ANK3: variants seen among roughly 807,000 people sequenced by gnomAD.
The protein encoded by ANK3 is ankyrin-3.
In ANK3, 57 loss-of-function variants were observed where a neutral mutation model predicts 370.9. The ratio of observed to expected loss-of-function variants is 0.15; its 90% CI spans 0.12 to 0.19. The LOEUF is 0.19. ANK3 is among the 10% of genes least tolerant of loss of function. ANK3 has a pLI of 1.00. For missense variants in ANK3, 4,439 were observed against 5,302.1 expected (o/e 0.84, Z 5.06); for synonymous variants, 1,929 against 1,946.3 (o/e 0.99, Z 0.23).
chr10:60,080,749 T>G (rs2085005504), intron 35 of ANK3, 131 bp from the exon 36 acceptor site: 12 of 832,250 alleles, frequency 1.4e-5, no homozygotes, highest in Non-Finnish European at 2.2e-5. Context: ...AATTTCCCAC[T>G]GGGATTTTGT....
At chr10:60,579,167 A>G (rs1414923615) in intron 2 of ANK3, among the ~76,000 whole-genome samples, 4 of 151,910 alleles carry the variant, frequency 2.6e-5, no homozygotes, top group African/African-American at 7.3e-5. Context: ...TCTACTAAAA[A>G]TACAAAAATT....
At chr10:60,288,489 C>T (rs899752233) in intron 1 of ANK3, among the ~76,000 whole-genome samples, 1 of 152,094 alleles carries the variant, frequency 6.6e-6, no homozygotes, top group Non-Finnish European at 1.5e-5. Flanking sequence ...CATCCTGTTA[C>T]AGCTGGGAAA....
intron 1 of ANK3, among the ~76,000 whole-genome samples, chr10:60,296,023 C>T (rs10821713): frequency 0.36 from 54,328 of 151,942 alleles, 10,338 homozygotes; most frequent in Middle Eastern, 0.46. Flanking sequence ...GATACAAAGG[C>T]CTAACACCTC....
In ANK3 at chr10:60,068,986, A is replaced by AGTG. The variant is rs768987496; in HGVS notation, c.11892_11894dup (p.Thr3965dup). On this transcript the variant is annotated inframe_insertion, in exon 37 of 44. Coordinates refer to ENST00000280772, the MANE Select transcript of ANK3 (RefSeq NM_020987.5). ...TGGTGGTAGTGGTGGTGGTGGTGGC[A>AGTG]GTGGTGGTGGTGGTAGTGACACAGG... 4 of 1,613,110 alleles carry AGTG rather than the reference A, an allele frequency of 2.5e-6. No homozygotes were observed. Among genetic ancestry groups the AGTG allele is most frequent in the Non-Finnish European group, 3.4e-6 (4 of 1,179,690 alleles).
intron 8 of ANK3, among the ~76,000 whole-genome samples, chr10:60,223,460 G>T (rs2132493347): frequency 6.6e-6 from 1 of 152,170 alleles, no homozygotes; most frequent in East Asian, 1.9e-4. Flanking sequence ...TTTAACACTA[G>T]TTTATCTCTG....
intron 1 of ANK3, among the ~76,000 whole-genome samples, chr10:60,723,054 C>T (rs2079887168): frequency 6.6e-6 from 1 of 152,134 alleles, no homozygotes; most frequent in Middle Eastern, 3.2e-3. Context: ...TTGAAAAGAG[C>T]AGCTCATTTT....
chr10:60,327,767 A>G (rs767961949), intron 1 of ANK3, among the ~76,000 whole-genome samples: 18 of 152,186 alleles, frequency 1.2e-4, no homozygotes, highest in Non-Finnish European at 2.1e-4. Flanking sequence ...TGATCATCAG[A>G]ATTAACAGGT....
At chr10:60,138,411 G>A (rs553725260) in intron 24 of ANK3, 75 of 326,696 alleles carry the variant, frequency 2.3e-4, no homozygotes, top group Non-Finnish European at 3.6e-4. Context: ...GTGACTTTTG[G>A]TAAATCACTG....
At chr10:60,149,479 C>A (rs1445850625) in intron 23 of ANK3, among the ~76,000 whole-genome samples, 1 of 152,188 alleles carries the variant, frequency 6.6e-6, no homozygotes, top group African/African-American at 2.4e-5. Flanking sequence ...ATAAAAAAAA[C>A]CACAACAGCC....
chr10:60,064,497 T>A (rs1159486664), intron 38 of ANK3, among the ~76,000 whole-genome samples: 2 of 152,110 alleles, frequency 1.3e-5, no homozygotes, highest in African/African-American at 2.4e-5. Context: ...GGTAATGACT[T>A]ACAATCAGAT....
chr10:60,091,741 T>TG (rs1197382561), intron 28 of ANK3, among the ~76,000 whole-genome samples: 1 of 151,756 alleles, frequency 6.6e-6, no homozygotes, highest in Non-Finnish European at 1.5e-5. Context: ...TTTTTGTTTT[T>TG]TTTTTTTTGA....
chr10:60,183,424 T>C (rs2096250311), intron 17 of ANK3, among the ~76,000 whole-genome samples: 1 of 152,206 alleles, frequency 6.6e-6, no homozygotes. Context: ...GTATAAATTA[T>C]ATAAATAACA....
intron 1 of ANK3, chr10:60,300,228 A>C: frequency 2.7e-6 from 2 of 734,592 alleles, no homozygotes; most frequent in Non-Finnish European, 4.1e-6. Context: ...CCTACCCAGC[A>C]ACAAACATTT....
In ANK3 at chr10:60,027,316, A is replaced by T. The variant is rs78990479; in HGVS notation, c.*2530T>A. 4.7e-5 allele frequency: 7 copies of T among 149,158 alleles called. No homozygotes were observed. The South Asian group carries it at 1.1e-3, about 23-fold the overall frequency. 9.2% of individuals were successfully genotyped at this position (149,158 alleles called of 1,614,324 possible). On this transcript the variant is annotated 3_prime_UTR_variant, in exon 44 of 44. Coordinates refer to ENST00000280772, the MANE Select transcript of ANK3 (RefSeq NM_020987.5). Reference sequence around the variant, plus strand: ...TTTTTTTTTTTTTTTTTAAAAAAAAAACCTCTCAAGGGTCTAACTTTACCC... The same window carrying T: ...TTTTTTTTTTTTTTTTTAAAAAAAATACCTCTCAAGGGTCTAACTTTACCC...
At chr10:60,066,790 A>G (rs1411217678) in intron 38 of ANK3, among the ~76,000 whole-genome samples, 1 of 152,224 alleles carries the variant, frequency 6.6e-6, no homozygotes, top group Admixed American at 6.5e-5. Context: ...ATTAAAAAAT[A>G]CACTTAACCT....
Position 60,071,384 on chromosome 10 carries a change from G to T in ANK3, c.9497C>A (p.Pro3166His), listed in dbSNP as rs1475291460. The change falls in exon 37 of 44, where the codon CCT (proline) becomes CAT (histidine). Residue 3166 changes from proline to histidine, a missense_variant. By Grantham distance (77) the Pro-to-His change is moderately conservative. Transcript: ENST00000280772. ...TGAACTGGGTGTTTCTGGGGTTAAA[G>T]GGCTTTTCCCAGAGCTGTCTAGAAA... ...VSFLDSSGKS[P>H]LTPETPSSEE... 1 of 1,614,060 alleles carries T rather than the reference G, an allele frequency of 6.2e-7. No homozygotes were observed. Among genetic ancestry groups the T allele is most frequent in the Non-Finnish European group, 8.5e-7 (1 of 1,179,986 alleles).
chr10:60,281,777 A>G (rs1320340580), intron 1 of ANK3, among the ~76,000 whole-genome samples: 1 of 152,232 alleles, frequency 6.6e-6, no homozygotes, highest in Non-Finnish European at 1.5e-5. Flanking sequence ...GGTGAATACC[A>G]GAGATTATAA....
intron 1 of ANK3, among the ~76,000 whole-genome samples, chr10:60,350,608 A>G (rs12764749): frequency 6.6e-6 from 1 of 152,222 alleles, no homozygotes. Context: ...ATTCTCTTAA[A>G]CCTCAGCTCT....
chr10:60,088,161 G>C lies in ANK3; in HGVS notation c.3526C>G (p.Arg1176Gly). Reference protein sequence around the residue: ...FPEGALTKRIRVGLQAQPVPD... With the variant: ...FPEGALTKRIGVGLQAQPVPD... ...GTGAACATTACCTGGAGGCCCACTCGAATTCTTTTAGTTAGGGCACCCTCT... is the reference window on the plus strand; with the variant it reads ...GTGAACATTACCTGGAGGCCCACTCCAATTCTTTTAGTTAGGGCACCCTCT... Residue 1176 changes from arginine (R) to glycine (G), a missense_variant, in exon 29 of 44, where the codon CGA becomes GGA. Physicochemically the swap from Arg to Gly is moderately radical, Grantham distance 125. Around this residue, in one of 13 missense-constraint regions of ANK3, gnomAD observed 702 missense variants for 941.5 expected, o/e 0.75. Coordinates refer to ENST00000280772, the MANE Select transcript of ANK3 (RefSeq NM_020987.5). 6.2e-7 allele frequency: 1 copy of C among 1,614,038 alleles called. No homozygotes were observed. The highest frequency in any genetic ancestry group is 8.5e-7 in the Non-Finnish European group (1 of 1,179,948).
Sources: gnomAD v4.1 joint callset for allele counts (sites outside exome capture counted in the v4.1 genomes callset) on GRCh38, gnomAD v4.1.1 for gene constraint, gnomAD v4.1.1 regional missense constraint, MANE v1.5 for transcripts, NCBI Gene and HGNC (gene_info 2026-07-23, HGNC 2026-07-21) for gene names.